ANKS3: variants seen among roughly 807,000 people sequenced by gnomAD.
The protein encoded by ANKS3 is ankyrin repeat and SAM domain-containing protein 3.
A neutral mutation model predicts 80.7 loss-of-function variants in ANKS3; 62 were observed. The observed-to-expected ratio is 0.77, with a 90% CI of 0.63 to 0.95. The LOEUF is 0.95. ANKS3 is among the 40% of genes least tolerant of loss of function. The probability of loss-of-function intolerance (pLI) is 0.00; values close to 1 mark genes in which losing one functional copy is unlikely to be tolerated. For synonymous variants in ANKS3, 489 were observed against 355.3 expected (o/e 1.38, Z -4.23); for missense variants, 1,150 against 883.6 (o/e 1.30, Z -3.82).
chr16:4,702,121 G>C lies in ANKS3; in HGVS notation c.990C>G (p.Ser330Arg). 1 of 1,596,758 alleles carries C rather than the reference G, an allele frequency of 6.3e-7. No individual in the cohort carries two copies. Among genetic ancestry groups the C allele is most frequent in the Non-Finnish European group, 8.5e-7 (1 of 1,173,332 alleles). The change falls in exon 9 of 18, where the codon AGC (serine) becomes AGG (arginine). Residue 330 changes from serine (S) to arginine (R), a missense_variant. Ser to Arg is a moderately radical substitution (Grantham distance 110). Transcript: ENST00000304283. ...ACGTACCCCGACTGCTGCTGCTGCT[G>C]CTGCTCTCCACATCCCGCTCATTGA... The part of the protein sequence containing the change: ...SPINERDVES[S>R]SSSSSREEHA...
intron 8 of ANKS3, among the ~76,000 whole-genome samples, chr16:4,703,010 C>T (rs2079999342): frequency 6.6e-6 from 1 of 152,184 alleles, no homozygotes; most frequent in Non-Finnish European, 1.5e-5. Context: ...CAAAAAAGAA[C>T]CCAAAGGACT....
At chr16:4,721,625 G>GATTTATTGATTT (rs1555474742) in intron 6 of ANKS3, among the ~76,000 whole-genome samples, 13 of 145,406 alleles carry the variant, frequency 8.9e-5, no homozygotes, top group African/African-American at 1.3e-4. Flanking sequence ...TTGATTTATT[G>GATTTATTGATTT]ATTTATTTAT....
chr16:4,732,606 T>C (rs979487068), intron 1 of ANKS3, among the ~76,000 whole-genome samples: 3 of 133,548 alleles, frequency 2.2e-5, no homozygotes, highest in African/African-American at 8.6e-5. Context: ...CGCTTGAGCC[T>C]GGGAGGCGAT....
chr16:4,701,277 G>A lies in ANKS3; in HGVS notation c.1120-143C>T, dbSNP rs953820300. On this transcript the variant is annotated intron_variant, in intron 10 of 17. Coordinates refer to ENST00000304283, the MANE Select transcript of ANKS3 (RefSeq NM_133450.4). Reference sequence around the variant, plus strand: ...AGGGGCTTCCGGTGCGTTCGCTGTCGTCTGAGAAGCCAGACCCTGGACACA... The same window carrying A: ...AGGGGCTTCCGGTGCGTTCGCTGTCATCTGAGAAGCCAGACCCTGGACACA... The A allele has an allele frequency of 2.9e-5, 41 of 1,417,968 alleles. 1 individual carries two copies. Among genetic ancestry groups the A allele is most frequent in the Non-Finnish European group, 3.1e-5 (32 of 1,040,246 alleles). 87.8% of individuals were successfully genotyped at this position (1,417,968 alleles called of 1,614,324 possible).
chr16:4,707,832 C>A (rs899602513), intron 7 of ANKS3, among the ~76,000 whole-genome samples: 1 of 151,960 alleles, frequency 6.6e-6, no homozygotes, highest in East Asian at 1.9e-4. Context: ...TGATCAGGGC[C>A]GGGCGCGGTG....
Position 4,696,810 on chromosome 16 carries a change from G to A in ANKS3, c.*98C>T, listed in dbSNP as rs1232393927. 2 of 608,644 alleles carry A rather than the reference G, an allele frequency of 3.3e-6. No individual in the cohort carries two copies. The highest frequency in any genetic ancestry group is 2.8e-5 in the Admixed American group (1 of 35,730). The allele number at this position is 608,644 out of a possible 1,614,324, so 37.7% of individuals were successfully genotyped here. A position where few individuals can be genotyped will look rare whatever the true frequency, so the allele number is the denominator to read the frequency against. On this transcript the variant is annotated 3_prime_UTR_variant, in exon 18 of 18. Transcript: ENST00000304283. ...TGATCCTCTGGCCCCCACTGGGCCT[G>A]GGCTGCACATGGCAGCTACCTGCTC...
chr16:4,704,985 C>A, intron 8 of ANKS3, 110 bp downstream of exon 8: 1 of 1,438,652 alleles, frequency 7.0e-7, no homozygotes, highest in Non-Finnish European at 9.4e-7. Context: ...CCGCTGCCAC[C>A]TGAGGTCCAG....
chr16:4,702,924 G>A (rs1452989148), intron 8 of ANKS3, among the ~76,000 whole-genome samples: 3 of 152,136 alleles, frequency 2.0e-5, no homozygotes, highest in Non-Finnish European at 2.9e-5. Context: ...GATCGCTTGA[G>A]CTCAGGAACT....
At chr16:4,704,830 G>A (rs181119646) in intron 8 of ANKS3, among the ~76,000 whole-genome samples, 1 of 152,340 alleles carries the variant, frequency 6.6e-6, no homozygotes, top group Non-Finnish European at 1.5e-5. Context: ...TGCTGCAGGA[G>A]AGAAAGTTCT....
At chr16:4,722,860 G>C (rs2081174016) in intron 6 of ANKS3, among the ~76,000 whole-genome samples, 1 of 151,358 alleles carries the variant, frequency 6.6e-6, no homozygotes, top group South Asian at 2.1e-4. Context: ...AGAGGTTGCA[G>C]TGAGCCGAGA....
At chr16:4,723,619 C>T (rs1288090069) in intron 6 of ANKS3, among the ~76,000 whole-genome samples, 1 of 152,240 alleles carries the variant, frequency 6.6e-6, no homozygotes, top group Non-Finnish European at 1.5e-5. Context: ...ACCCCTGCCG[C>T]AGCATGCAGC....
rs764241640 is a variant in ANKS3 at position 4,727,168 on chromosome 16, T to C, written c.180A>G (p.Leu60=). 15 of 1,614,050 alleles carry C rather than the reference T, an allele frequency of 9.3e-6. No homozygotes were observed. Among genetic ancestry groups the C allele is most frequent in the Middle Eastern group, 1.7e-4 (1 of 6,050 alleles). ...CACCACCATTCTTCTTATTCAAATC[T>C]AACTCTCTCCTAAACAAACGCAAGA... ...VVKECVQRRE[L]DLNKKNGGGW... Residue 60 remains leucine (L), a synonymous_variant, in exon 4 of 18, where the codon TTA becomes TTG. Transcript: ENST00000304283.
intron 6 of ANKS3, among the ~76,000 whole-genome samples, chr16:4,722,864 G>A (rs1567424414): frequency 6.6e-6 from 1 of 150,864 alleles, no homozygotes; most frequent in Non-Finnish European, 1.5e-5. Context: ...GTTGCAGTGA[G>A]CCGAGATCAC....
At chr16:4,698,084 A>G (rs1329746355) in intron 14 of ANKS3, 22 bp from the exon 15 acceptor site, 2 of 1,590,832 alleles carry the variant, frequency 1.3e-6, no homozygotes, top group African/African-American at 1.3e-5. Flanking sequence ...AGAAACAAAT[A>G]TTGGTGAGAG....
At chr16:4,700,581 A>G (rs1255151314) in intron 11 of ANKS3, 1 of 362,466 alleles carries the variant, frequency 2.8e-6, no homozygotes. Context: ...GGACCACAGA[A>G]AGGAGGAGGA....
intron 11 of ANKS3, chr16:4,699,593 G>A (rs1409102102): frequency 3.9e-5 from 8 of 206,176 alleles, no homozygotes; most frequent in South Asian, 8.9e-5. Flanking sequence ...GGAGTTCACC[G>A]AGCTCCCTGG....
In ANKS3 at chr16:4,722,311, T is replaced by G. The variant is rs538679782; in HGVS notation, c.573+2439A>C. 9.9e-5 allele frequency among the ~76,000 whole-genome samples: 15 copies of G among 151,618 alleles called. No homozygotes were observed. The East Asian group carries it at 2.9e-3, about 29-fold the overall frequency. ...AATACAAATGGCCAGCCGGGCACAG[T>G]GGCTCACACCTGTAATCCCAGCACT... On this transcript the variant is annotated intron_variant, in intron 6 of 17. Transcript: ENST00000304283.
At chr16:4,704,046 C>A (rs906101222) in intron 8 of ANKS3, among the ~76,000 whole-genome samples, 19 of 152,196 alleles carry the variant, frequency 1.2e-4, no homozygotes, top group African/African-American at 4.6e-4. Flanking sequence ...GCCCGGTGTC[C>A]CAGAGCCAGT....
At chr16:4,730,244 A>G in intron 2 of ANKS3, 93 bp from the exon 3 acceptor site, 2 of 1,246,800 alleles carry the variant, frequency 1.6e-6, no homozygotes, top group Non-Finnish European at 2.1e-6. Flanking sequence ...CCACTGCACT[A>G]GCAGACTGAT....
Sources: allele counts gnomAD v4.1 joint callset (sites outside exome capture counted in the v4.1 genomes callset), GRCh38; gene constraint gnomAD v4.1.1; transcripts MANE v1.5; gene names NCBI Gene and HGNC (gene_info 2026-07-23, HGNC 2026-07-21).